TENM1: variants seen among roughly 807,000 people sequenced by gnomAD.
TENM1 encodes the protein teneurin transmembrane protein 1, also known as teneurin-1.
In TENM1, 35 loss-of-function variants were observed where a neutral mutation model predicts 174.8. The ratio of observed to expected loss-of-function variants is 0.20; its 90% CI spans 0.15 to 0.27. The LOEUF (loss-of-function observed/expected upper bound fraction) is 0.27, where lower values mean the gene tolerates loss of function less well. Among genes scored for constraint, TENM1 ranks in the 10% least tolerant of loss-of-function variants. The pLI, the probability that TENM1 is intolerant of heterozygous loss-of-function variation, is 1.00. For missense variants in TENM1, 1,633 were observed against 2,130.1 expected, an observed-to-expected ratio of 0.77 and a Z score of 4.59; for synonymous variants, 781 against 798.7, an observed-to-expected ratio of 0.98 and a Z score of 0.37.
chrX:124,416,652 A>G (rs752660454), intron 25 of TENM1, among the ~76,000 whole-genome samples: 17 of 111,284 alleles, frequency 1.5e-4, no homozygotes, highest in Admixed American at 6.7e-4. Context: ...CAAGTGGTCA[A>G]TTCTAAGTCC....
At chrX:124,809,177 G>A (rs1023374071) in intron 3 of TENM1, among the ~76,000 whole-genome samples, 1 of 111,621 alleles carries the variant, frequency 9.0e-6, no homozygotes, top group African/African-American at 3.3e-5. Flanking sequence ...ACAATTATAT[G>A]TCAACATATT....
At chrX:124,448,310 A>T (rs1342436883) in intron 23 of TENM1, among the ~76,000 whole-genome samples, 1 of 111,344 alleles carries the variant, frequency 9.0e-6, no homozygotes, top group Non-Finnish European at 1.9e-5. Context: ...AAAACAGCTT[A>T]ATTTTTATAG....
chrX:124,546,789 C>T, intron 15 of TENM1, 85 bp downstream of exon 18: 1 of 810,426 alleles, frequency 1.2e-6, no homozygotes. Flanking sequence ...GGGAAGTAAC[C>T]TGATCCTTAG....
chrX:125,094,049 T>C, the TENM1 span, among the ~76,000 whole-genome samples: 467 of 112,327 alleles, frequency 4.2e-3, 3 homozygotes, highest in African/African-American at 0.014. Flanking sequence ...TGAACAACTA[T>C]AAAGGGCCCA....
chrX:124,855,274 A>ATAT (rs2056793634), intron 3 of TENM1, among the ~76,000 whole-genome samples: 1 of 111,803 alleles, frequency 8.9e-6, no homozygotes, highest in African/African-American at 3.2e-5. Flanking sequence ...CTATAGAAGT[A>ATAT]TATTCTACAC....
chrX:124,832,854 T>C (rs1201060954), intron 3 of TENM1, among the ~76,000 whole-genome samples: 2 of 112,347 alleles, frequency 1.8e-5, no homozygotes, highest in Non-Finnish European at 3.8e-5. Flanking sequence ...GGATTACAAC[T>C]GTGAGCCACC....
At chrX:124,528,298 T>C (rs1187642730) in intron 16 of TENM1, among the ~76,000 whole-genome samples, 2 of 111,412 alleles carry the variant, frequency 1.8e-5, no homozygotes, top group African/African-American at 6.5e-5. Context: ...TCTTTAATGT[T>C]CCCTGTAAAC....
chrX:124,890,341 G>C (rs1052730798), intron 3 of TENM1, among the ~76,000 whole-genome samples: 3 of 111,405 alleles, frequency 2.7e-5, no homozygotes, highest in Non-Finnish European at 5.7e-5. Context: ...CCTAATCACT[G>C]AGGTTGATAC....
At chrX:124,626,283 A>C (rs948076983) in intron 11 of TENM1, among the ~76,000 whole-genome samples, 24 of 111,934 alleles carry the variant, frequency 2.1e-4, no homozygotes, top group African/African-American at 7.5e-4. Context: ...TTTGATAACT[A>C]AGATTTTTTT....
intron 1 of TENM1, among the ~76,000 whole-genome samples, chrX:124,933,963 G>T (rs991994735): frequency 1.8e-5 from 2 of 111,368 alleles, no homozygotes; most frequent in Non-Finnish European, 3.8e-5. Context: ...TTACAAAGAA[G>T]AATACTTTGT....
chrX:124,570,316 A>C (rs1398921216), intron 11 of TENM1, among the ~76,000 whole-genome samples: 1 of 111,708 alleles, frequency 9.0e-6, no homozygotes, highest in Non-Finnish European at 1.9e-5. Context: ...TTTCCAAAAA[A>C]TAGAAAAGAG....
At chrX:124,832,094 G>A (rs372081259) in intron 3 of TENM1, among the ~76,000 whole-genome samples, 20 of 111,696 alleles carry the variant, frequency 1.8e-4, no homozygotes, top group African/African-American at 5.5e-4. Context: ...GATACAAGAA[G>A]TGGGGGAGGC....
the TENM1 span, among the ~76,000 whole-genome samples, chrX:125,101,083 CAT>C: frequency 1.7e-4 from 19 of 111,604 alleles, no homozygotes; most frequent in African/African-American, 6.2e-4. Context: ...AGAGTCTTAG[CAT>C]AGAGATTCAA....
rs150351628 is a variant in TENM1, at chrX:124,914,999, C to T, written c.218-18758G>A. 1.6e-3 allele frequency among the ~76,000 whole-genome samples: 176 copies of T among 111,832 alleles called. 1 individual carries two copies. The highest frequency in any genetic ancestry group is 5.3e-3 in the African/African-American group (162 of 30,808). On this transcript the variant is annotated intron_variant, in intron 1 of 31. Transcript: ENST00000422452. ...TGTACTTCTTCCAGTTTCTCAAATA[C>T]GCCATCCTACTTTTCACCTCATGAC... is the stretch of plus-strand genomic sequence containing the variant.
chrX:124,781,814 T>A (rs1444791167), intron 3 of TENM1, among the ~76,000 whole-genome samples: 1 of 111,054 alleles, frequency 9.0e-6, no homozygotes, highest in African/African-American at 3.3e-5. Context: ...CCTCCTACAA[T>A]CCATCACTGA....
chrX:124,510,032 G>A (rs2047546631), intron 18 of TENM1, among the ~76,000 whole-genome samples: 1 of 111,948 alleles, frequency 8.9e-6, no homozygotes, highest in African/African-American at 3.2e-5. Flanking sequence ...CCTACTTTCT[G>A]GAATTTTTAT....
chrX:124,719,844 G>C (rs1396341250), intron 4 of TENM1, among the ~76,000 whole-genome samples: 2 of 112,156 alleles, frequency 1.8e-5, no homozygotes, highest in African/African-American at 6.5e-5. Flanking sequence ...CCTATCCTTA[G>C]AAAACAAATA....
chrX:125,034,656 C>T, the TENM1 span, among the ~76,000 whole-genome samples: 3 of 111,875 alleles, frequency 2.7e-5, no homozygotes, highest in Non-Finnish European at 3.8e-5. Flanking sequence ...TTTATCAATC[C>T]TTAAAAATTA....
At position 124,471,351 on chromosome X, in the gene TENM1, T is replaced by TTA. The variant is rs2061317038; in HGVS notation, c.3949+10379_3949+10380dup. On this transcript the variant is annotated intron_variant, in intron 22 of 31. Coordinates refer to ENST00000422452, the Ensembl canonical transcript of TENM1. ...TATATAGTACTATATATAATATATA[T>TTA]TATAATATATAGTACTATATATTAT... Among the ~76,000 whole-genome samples the TTA allele has an allele frequency of 3.0e-4, 3 of 10,104 alleles. 1 individual carries two copies. The highest frequency in any genetic ancestry group is 1.0e-3 in the African/African-American group (3 of 2,917). The allele number at this position is 10,104 out of a possible 115,157, so 8.8% of individuals were successfully genotyped here.
Sources: allele counts gnomAD v4.1 joint callset (sites outside exome capture counted in the v4.1 genomes callset), GRCh38; gene constraint gnomAD v4.1.1; transcripts MANE v1.5; gene names NCBI Gene and HGNC (gene_info 2026-07-23, HGNC 2026-07-21).